Variants in GSAP observed in about 807,000 individuals in gnomAD.
GSAP encodes gamma-secretase-activating protein.
In GSAP, 118 loss-of-function variants were observed where a neutral mutation model predicts 131.7. The ratio of observed to expected loss-of-function variants is 0.90; its 90% CI spans 0.77 to 1.04. The LOEUF is 1.04. GSAP is among the 50% of genes least tolerant of loss of function. The pLI is 0.00. For missense variants in GSAP, 1,019 were observed against 1,013.2 expected (o/e 1.01, Z -0.08); for synonymous variants, 381 against 363.4 (o/e 1.05, Z -0.55).
intron 19 of GSAP, among the ~76,000 whole-genome samples, chr7:77,332,850 G>A (rs1584307854): frequency 6.6e-6 from 1 of 151,998 alleles, no homozygotes; most frequent in East Asian, 1.9e-4. Context: ...TTCACTATTT[G>A]GTATCCACTA....
At chr7:77,358,618 T>C (rs887006203) in intron 14 of GSAP, among the ~76,000 whole-genome samples, 7 of 152,182 alleles carry the variant, frequency 4.6e-5, no homozygotes, top group Non-Finnish European at 8.8e-5. Flanking sequence ...ATATCAAAAA[T>C]GCTATAAGAT....
At chr7:77,349,757 T>C (rs1172679103) in intron 18 of GSAP, among the ~76,000 whole-genome samples, 1 of 152,084 alleles carries the variant, frequency 6.6e-6, no homozygotes, top group Non-Finnish European at 1.5e-5. Context: ...AAAGGGGAAA[T>C]GTTTCATTAT....
Position 77,370,260 on chromosome 7 carries a change from C to T in GSAP, c.871+3810G>A, listed in dbSNP as rs1343889624. Among the ~76,000 whole-genome samples the T allele has an allele frequency of 5.3e-5, 8 of 152,154 alleles. No individual in the cohort carries two copies. In the East Asian group the frequency reaches 1.4e-3, roughly 26 times the overall value. Reference sequence around the variant, plus strand: ...ATCATCTGAGGTCAGGAGTTCGAGACCAGCGTGGCCAACATGGCGAAACCC... The same window carrying T: ...ATCATCTGAGGTCAGGAGTTCGAGATCAGCGTGGCCAACATGGCGAAACCC... On this transcript the variant is annotated intron_variant, in intron 12 of 30. Coordinates refer to ENST00000257626, the MANE Select transcript of GSAP (RefSeq NM_017439.4).
At chr7:77,313,655 CTG>C in intron 27 of GSAP, 106 bp from the exon 28 acceptor site, 1 of 562,602 alleles carries the variant, frequency 1.8e-6, no homozygotes, top group Non-Finnish European at 3.1e-6. Flanking sequence ...CATATCCCAA[CTG>C]TGTATTCTCA....
rs543270339 is a variant in GSAP at position 77,397,284 on chromosome 7, C to T, written c.313+62G>A. The stretch of plus-strand genomic sequence containing the variant: ...AATTTAATACTGCAAAAATCTAATA[C>T]TTTGAAACTCTTGAAAGATGTAGTT... On this transcript the variant is annotated intron_variant, in intron 4 of 30. Transcript: ENST00000257626. 1.6e-5 allele frequency: 16 copies of T among 1,010,250 alleles called. No individual in the cohort carries two copies. In the East Asian group the frequency reaches 3.3e-4, roughly 21 times the overall value. The allele number at this position is 1,010,250 out of a possible 1,614,324, so 62.6% of individuals were successfully genotyped here. A position where few individuals can be genotyped will look rare whatever the true frequency, so the allele number is the denominator to read the frequency against.
intron 19 of GSAP, among the ~76,000 whole-genome samples, chr7:77,345,665 C>T (rs941837771): frequency 6.6e-6 from 1 of 152,178 alleles, no homozygotes; most frequent in African/African-American, 2.4e-5. Context: ...AGAAGCTCCC[C>T]CACTGAGCAA....
chr7:77,330,175 G>C (rs1031968073), intron 20 of GSAP, 64 bp downstream of exon 20: 2 of 1,517,010 alleles, frequency 1.3e-6, no homozygotes, highest in Non-Finnish European at 1.8e-6. Context: ...TGATTTAAAG[G>C]CATCACCTGG....
intron 12 of GSAP, among the ~76,000 whole-genome samples, chr7:77,367,210 T>C (rs1027352421): frequency 7.2e-5 from 11 of 152,086 alleles, no homozygotes; most frequent in African/African-American, 2.7e-4. Flanking sequence ...GGATGCTCTC[T>C]TGCCTGATTG....
intron 18 of GSAP, among the ~76,000 whole-genome samples, chr7:77,350,444 T>C (rs1249459112): frequency 6.7e-6 from 1 of 148,992 alleles, no homozygotes; most frequent in Non-Finnish European, 1.5e-5. Context: ...AAAAAAAAAG[T>C]TTCTGCAGCA....
chr7:77,409,417 A>T (rs947133601), intron 1 of GSAP, among the ~76,000 whole-genome samples: 1 of 152,202 alleles, frequency 6.6e-6, no homozygotes. Flanking sequence ...GGCCTACTAT[A>T]CTTTTCAATG....
At chr7:77,350,354 C>T (rs1156659248) in intron 18 of GSAP, among the ~76,000 whole-genome samples, 5 of 148,642 alleles carry the variant, frequency 3.4e-5, no homozygotes, top group African/African-American at 1.2e-4. Context: ...AGCACACCAG[C>T]ATGGCACATG....
At chr7:77,351,958 A>G (rs559163430) in intron 18 of GSAP, among the ~76,000 whole-genome samples, 19 of 152,312 alleles carry the variant, frequency 1.2e-4, no homozygotes, top group Non-Finnish European at 2.4e-4. Flanking sequence ...TTCCAAAAGA[A>G]AAACGTGGGT....
chr7:77,329,732 GCA>G (rs1788812181), intron 20 of GSAP: 1 of 172,116 alleles, frequency 5.8e-6, no homozygotes, highest in Non-Finnish European at 1.2e-5. Flanking sequence ...ATTGACATTG[GCA>G]CAATGTGTGT....
At chr7:77,351,817 T>C (rs577187402) in intron 18 of GSAP, 3 of 597,058 alleles carry the variant, frequency 5.0e-6, no homozygotes, top group African/African-American at 2.0e-5. Flanking sequence ...CTGGACACTT[T>C]GAACACAGGA....
chr7:77,364,514 G>A, intron 12 of GSAP, among the ~76,000 whole-genome samples: 1 of 118,964 alleles, frequency 8.4e-6, no homozygotes, highest in Non-Finnish European at 1.6e-5. Context: ...ACACTCTGGG[G>A]ACTGTAGTGG....
At chr7:77,397,117 G>C in intron 4 of GSAP, 82 bp from the exon 5 acceptor site, 1 of 891,640 alleles carries the variant, frequency 1.1e-6, no homozygotes, top group African/African-American at 1.7e-5. Flanking sequence ...ACCTGAAATA[G>C]ATGAGGGCTC....
chr7:77,387,517 A>T, intron 5 of GSAP, 69 bp from the exon 6 acceptor site: 5 of 837,832 alleles, frequency 6.0e-6, no homozygotes, highest in South Asian at 5.5e-5. Context: ...CAAAGCAAGG[A>T]GTAAGAACAA....
At chr7:77,324,826 C>CT (rs150930764) in intron 23 of GSAP, among the ~76,000 whole-genome samples, 16,462 of 97,344 alleles carry the variant, frequency 0.17, 2,320 homozygotes, top group African/African-American at 0.29. Context: ...GTTTGCCATA[C>CT]TTTTTTTTTT....
intron 26 of GSAP, among the ~76,000 whole-genome samples, chr7:77,319,831 C>A (rs1281854637): frequency 2.0e-5 from 3 of 152,156 alleles, no homozygotes; most frequent in Non-Finnish European, 4.4e-5. Context: ...CTAAAGTAGT[C>A]AAACTCATAG....
Sources: gnomAD v4.1 joint callset for allele counts (sites outside exome capture counted in the v4.1 genomes callset) on GRCh38, gnomAD v4.1.1 for gene constraint, MANE v1.5 for transcripts, NCBI Gene and HGNC (gene_info 2026-07-23, HGNC 2026-07-21) for gene names.